The following GART variants were observed in gnomAD, a reference collection of about 807,000 sequenced individuals.
The protein encoded by GART is phosphoribosylglycinamide formyltransferase, phosphoribosylglycinamide synthetase, phosphoribosylaminoimidazole synthetase, also known as trifunctional purine biosynthetic protein adenosine-3.
Under a neutral mutation model 107.2 loss-of-function variants are expected in GART, and 43 were observed. The observed-to-expected ratio is 0.40, with a 90% CI of 0.31 to 0.52. The LOEUF (loss-of-function observed/expected upper bound fraction) is 0.52. Among genes scored for constraint, GART ranks in the 20% least tolerant of loss-of-function variants. GART has a pLI of 0.52. For synonymous variants in GART, 434 were observed against 427.0 expected (o/e 1.02, Z -0.20); for missense variants, 1,107 against 1,206.5 (o/e 0.92, Z 1.22).
intron 3 of GART, 106 bp from the exon 4 acceptor site, chr21:33,534,859 T>TG (rs144920723): frequency 1.0e-6 from 1 of 967,294 alleles, no homozygotes; most frequent in East Asian, 2.8e-5. Context: ...ACAAGGCAGA[T>TG]GACTGGTGGC....
At chr21:33,508,928 C>T (rs997442667) in intron 18 of GART, among the ~76,000 whole-genome samples, 14 of 152,192 alleles carry the variant, frequency 9.2e-5, no homozygotes, top group African/African-American at 3.4e-4. Flanking sequence ...GGATAATGGC[C>T]TCCAGTTCCA....
chr21:33,516,673 A>G (rs2084885276), intron 16 of GART, among the ~76,000 whole-genome samples: 1 of 152,174 alleles, frequency 6.6e-6, no homozygotes, highest in Non-Finnish European at 1.5e-5. Flanking sequence ...ATTACTTAAT[A>G]GCTAACATTT....
upstream of GART, chr21:33,542,839 T>A (rs1040535509): frequency 5.5e-5 from 31 of 561,530 alleles, no homozygotes; most frequent in Middle Eastern, 4.7e-4. Flanking sequence ...GGCGCCTGCG[T>A]CAGACACTAA....
At chr21:33,516,244 T>C (rs1287546713) in intron 16 of GART, among the ~76,000 whole-genome samples, 6 of 87,800 alleles carry the variant, frequency 6.8e-5, no homozygotes, top group African/African-American at 2.5e-4. Flanking sequence ...TGAGACTCTG[T>C]CTAAAAAAAA....
intron 10 of GART, 84 bp from the exon 11 acceptor site, chr21:33,525,084 C>CTT (rs35083461): frequency 2.2e-3 from 2,954 of 1,360,786 alleles, no homozygotes; most frequent in Middle Eastern, 2.5e-3. Context: ...CCACAAGTTT[C>CTT]TTTTTTTTTT....
At position 33,539,347 on chromosome 21, in the gene GART, A is replaced by C. The variant is rs772753817; in HGVS notation, c.-32T>G. 6 of 1,588,914 alleles carry C rather than the reference A, an allele frequency of 3.8e-6. No individual in the cohort carries two copies. In the Admixed American group the frequency reaches 9.5e-5, roughly 25 times the overall value. ...GTCTGTAAAGCAGAAATTCCAAAGGAAAATGAAACCTGCAGAAAGAAAACC... is the reference window on the plus strand; with the variant it reads ...GTCTGTAAAGCAGAAATTCCAAAGGCAAATGAAACCTGCAGAAAGAAAACC... On this transcript the variant is annotated 5_prime_UTR_variant, in exon 2 of 22. Coordinates refer to ENST00000381815, the MANE Select transcript of GART (RefSeq NM_000819.5).
chr21:33,534,485 G>C, intron 4 of GART, 94 bp downstream of exon 4: 1 of 1,358,474 alleles, frequency 7.4e-7, no homozygotes, highest in East Asian at 2.4e-5. Flanking sequence ...CCAAAGTGCT[G>C]GGATTACAGG....
chr21:33,523,002 T>C (rs1367815472), intron 11 of GART, among the ~76,000 whole-genome samples: 9 of 152,234 alleles, frequency 5.9e-5, no homozygotes, highest in Admixed American at 5.9e-4. Context: ...TGTTTCCTAA[T>C]AGCTGAGGAC....
At chr21:33,522,763 C>T (rs2084995974) in intron 11 of GART, among the ~76,000 whole-genome samples, 1 of 152,112 alleles carries the variant, frequency 6.6e-6, no homozygotes, top group Admixed American at 6.6e-5. Flanking sequence ...AACGTCTGTC[C>T]CAGTTAAATA....
At position 33,524,797 on chromosome 21, in the gene GART, G is replaced by GA; in HGVS notation, c.1269dup (p.Arg424SerfsTer44). The GA allele has an allele frequency of 6.2e-7, 1 of 1,614,226 alleles. No homozygotes were observed. The highest frequency in any genetic ancestry group is 8.5e-7 in the Non-Finnish European group (1 of 1,180,034). The stretch of plus-strand genomic sequence containing the variant: ...GGCTGCTGGAGGAAAGCTATGGCAC[G>GA]AAAGCCGACGTCTTTCCTATAAATT... On this transcript the variant is annotated frameshift_variant, in exon 11 of 22. Coordinates refer to ENST00000381815, the MANE Select transcript of GART (RefSeq NM_000819.5). LOFTEE classifies it high-confidence loss of function.
At chr21:33,509,516 GC>G (rs774821274) in intron 18 of GART, 1 of 311,306 alleles carries the variant, frequency 3.2e-6, no homozygotes, top group African/African-American at 2.1e-5. Context: ...CAACAACAAA[GC>G]TATGATACAA....
At chr21:33,519,987 G>A (rs2084941321) in intron 14 of GART, among the ~76,000 whole-genome samples, 1 of 151,942 alleles carries the variant, frequency 6.6e-6, no homozygotes, top group Non-Finnish European at 1.5e-5. Flanking sequence ...GTTAAGATCC[G>A]GAATGCCAGG....
chr21:33,521,340 A>C (rs2084969289), intron 12 of GART, among the ~76,000 whole-genome samples: 1 of 152,160 alleles, frequency 6.6e-6, no homozygotes, highest in Non-Finnish European at 1.5e-5. Flanking sequence ...TTGATTAAGA[A>C]AGTAATTAAG....
chr21:33,516,193 A>G (rs1389121042), intron 16 of GART, among the ~76,000 whole-genome samples: 3 of 144,570 alleles, frequency 2.1e-5, no homozygotes, highest in Non-Finnish European at 4.5e-5. Flanking sequence ...GTTTGCAGTG[A>G]GCTGAGATTG....
chr21:33,517,358 T>C lies in GART; in HGVS notation c.1953A>G (p.Leu651=), dbSNP rs146301480. 49 of 1,614,082 alleles carry C rather than the reference T, an allele frequency of 3.0e-5. No individual in the cohort carries two copies. The African/African-American group carries it at 6.0e-4, about 20-fold the overall frequency. Residue 651 remains leucine, a splice_region_variant and synonymous_variant, in exon 15 of 22, where the codon TTA becomes TTG. Coordinates refer to ENST00000381815, the MANE Select transcript of GART (RefSeq NM_000819.5). ...PAPDGCGDQT[L]GDLLLTPTRI... The stretch of plus-strand genomic sequence containing the variant: ...CAGTTTAAACATGAGGGAGTTTACC[T>C]AAAGTCTGGTCACCACAACCATCAG...
chr21:33,510,125 TC>T (rs2084758492), intron 17 of GART: 1 of 532,758 alleles, frequency 1.9e-6, no homozygotes, highest in Non-Finnish European at 3.3e-6. Context: ...TGTAATTACT[TC>T]AACTAAAAGC....
intron 11 of GART, 158 bp downstream of exon 11, chr21:33,524,611 T>C (rs2085034472): frequency 4.2e-6 from 6 of 1,416,128 alleles, no homozygotes; most frequent in African/African-American, 1.4e-5. Context: ...AGTATTGCTA[T>C]AACCAGTTTT....
intron 16 of GART, among the ~76,000 whole-genome samples, chr21:33,515,735 G>C (rs1209927973): frequency 2.0e-5 from 3 of 149,924 alleles, no homozygotes; most frequent in African/African-American, 7.4e-5. Context: ...CACTTTTGCT[G>C]CATGCATAAA....
rs1393512385 is a variant in GART at position 33,511,307 on chromosome 21, G to C, written c.2259C>G (p.Ile753Met). ...KEQTEQILRD[I>M]QQHKEEAWVI... Reference sequence around the variant, plus strand: ...CCCAGGCTTCTTCCTTGTGCTGCTGGATATCCCTCAGAATCTGCTCTGTCT... The same window carrying C: ...CCCAGGCTTCTTCCTTGTGCTGCTGCATATCCCTCAGAATCTGCTCTGTCT... The change falls in exon 17 of 22, where the codon ATC becomes ATG. Residue 753 changes from isoleucine to methionine, a missense_variant. Coordinates refer to ENST00000381815, the MANE Select transcript of GART (RefSeq NM_000819.5). The C allele has an allele frequency of 2.5e-6, 4 of 1,614,124 alleles. No homozygotes were observed. The highest frequency in any genetic ancestry group is 1.6e-4 in the Middle Eastern group (1 of 6,062).
Sources: allele counts gnomAD v4.1 joint callset (sites outside exome capture counted in the v4.1 genomes callset), GRCh38; gene constraint gnomAD v4.1.1; transcripts MANE v1.5; gene names NCBI Gene and HGNC (gene_info 2026-07-23, HGNC 2026-07-21).